XYLT1: variants seen among roughly 807,000 people sequenced by gnomAD.
The protein encoded by XYLT1 is xylosyltransferase 1.
XYLT1 carries 36 observed loss-of-function variants against 91.3 expected under a neutral mutation model. The observed-to-expected ratio is 0.39, with a 90% CI of 0.30 to 0.52. XYLT1 has a LOEUF of 0.52. Among genes scored for constraint, XYLT1 ranks in the 20% least tolerant of loss-of-function variants. XYLT1 has a pLI of 0.68. For synonymous variants in XYLT1, 588 were observed against 532.0 expected, an observed-to-expected ratio of 1.11 and a Z score of -1.45; for missense variants, 1,242 against 1,284.5, an observed-to-expected ratio of 0.97 and a Z score of 0.51.
chr16:17,215,742 T>C (rs555569892), intron 3 of XYLT1, among the ~76,000 whole-genome samples: 17 of 151,880 alleles, frequency 1.1e-4, no homozygotes, highest in Non-Finnish European at 1.5e-5. Context: ...GGGAACAGCA[T>C]ATGCAAAGGG....
chr16:17,388,545 A>T (rs1372446457), intron 1 of XYLT1, among the ~76,000 whole-genome samples: 1 of 152,182 alleles, frequency 6.6e-6, no homozygotes, highest in Non-Finnish European at 1.5e-5. Flanking sequence ...TGCAAAATGG[A>T]GACCAGCATA....
intron 1 of XYLT1, among the ~76,000 whole-genome samples, chr16:17,467,612 G>A (rs1596562767): frequency 6.6e-6 from 1 of 152,284 alleles, no homozygotes; most frequent in Non-Finnish European, 1.5e-5. Context: ...GAGAAACGGG[G>A]TGTTTCCTCT....
intron 11 of XYLT1, among the ~76,000 whole-genome samples, chr16:17,114,753 T>C (rs1396474791): frequency 1.3e-5 from 2 of 152,196 alleles, no homozygotes; most frequent in Non-Finnish European, 2.9e-5. Flanking sequence ...CATGAATAAT[T>C]CCAAATATAG....
chr16:17,298,540 G>A (rs2034348723), intron 2 of XYLT1, among the ~76,000 whole-genome samples: 2 of 152,158 alleles, frequency 1.3e-5, no homozygotes, highest in Non-Finnish European at 2.9e-5. Flanking sequence ...GTCCCTTAAA[G>A]TCTCTGTGAA....
chr16:17,135,010 AAAT>A (rs1479168728), intron 8 of XYLT1, among the ~76,000 whole-genome samples: 4 of 152,202 alleles, frequency 2.6e-5, no homozygotes, highest in Admixed American at 6.5e-5. Context: ...TAAATAAACT[AAAT>A]AATTTTAGAT....
In XYLT1 at chr16:17,259,321, T is replaced by C. The variant is rs2033685823; in HGVS notation, c.580A>G (p.Lys194Glu). The C allele has an allele frequency of 1.9e-6, 3 of 1,613,972 alleles. No individual in the cohort carries two copies. The highest frequency in any genetic ancestry group is 1.3e-5 in the African/African-American group (1 of 74,884). The change falls in exon 3 of 12, where the codon AAA (lysine) becomes GAA (glutamate). Residue 194 changes from lysine to glutamate, a missense_variant. Physicochemically the swap from Lys to Glu is moderately conservative, Grantham distance 56 (BLOSUM62 1). Transcript: ENST00000261381. The stretch of plus-strand genomic sequence containing the variant: ...TTCTCCTGCTGTTCCAGCTTCCTTT[T>C]CAAAAGCTCCTTCTGTCTACTCGGT... ...KPPSRQKELLKRKLEQQEKGK... is the reference protein window; with the variant it reads ...KPPSRQKELLERKLEQQEKGK...
chr16:17,236,897 C>T (rs1028749039), intron 3 of XYLT1, among the ~76,000 whole-genome samples: 1 of 152,176 alleles, frequency 6.6e-6, no homozygotes, highest in Non-Finnish European at 1.5e-5. Flanking sequence ...TGCAAAGACC[C>T]TATTTCCAAA....
In XYLT1 at chr16:17,396,870, A is replaced by G. The variant is rs558694867; in HGVS notation, c.364-38820T>C. 4.6e-5 allele frequency among the ~76,000 whole-genome samples: 7 copies of G among 152,222 alleles called. 1 individual carries two copies. Among genetic ancestry groups the G allele is most frequent in the African/African-American group, 1.7e-4 (7 of 41,526 alleles). ...TGGGCAGAGTGGGACTCCACCTCAG[A>G]AAAAAAAGTATCTAACTAGAGTATC... On this transcript the variant is annotated intron_variant, in intron 1 of 11. Transcript: ENST00000261381.
chr16:17,166,380 T>C (rs1048063943), intron 5 of XYLT1, among the ~76,000 whole-genome samples: 4 of 152,190 alleles, frequency 2.6e-5, no homozygotes, highest in East Asian at 3.9e-4. Flanking sequence ...ACCTGACACA[T>C]AGAAGGTGCT....
chr16:17,236,112 A>G (rs556375663), intron 3 of XYLT1, among the ~76,000 whole-genome samples: 6 of 152,210 alleles, frequency 3.9e-5, no homozygotes, highest in South Asian at 2.1e-4. Context: ...TCAACAGATC[A>G]GCATGGCCAT....
At chr16:17,289,863 G>A (rs115119547) in intron 2 of XYLT1, among the ~76,000 whole-genome samples, 31 of 152,276 alleles carry the variant, frequency 2.0e-4, no homozygotes, top group Admixed American at 3.9e-4. Flanking sequence ...CACACACCCC[G>A]TCTCTGGGGC....
At chr16:17,413,009 C>T (rs531001553) in intron 1 of XYLT1, among the ~76,000 whole-genome samples, 3 of 152,312 alleles carry the variant, frequency 2.0e-5, no homozygotes, top group African/African-American at 4.8e-5. Context: ...TATAGCCACA[C>T]TCCCCACCTT....
At chr16:17,179,012 T>C (rs1391183435) in intron 5 of XYLT1, among the ~76,000 whole-genome samples, 1 of 151,506 alleles carries the variant, frequency 6.6e-6, no homozygotes, top group Non-Finnish European at 1.5e-5. Flanking sequence ...AGGGCTTCAG[T>C]GAGCTGTGAC....
intron 2 of XYLT1, among the ~76,000 whole-genome samples, chr16:17,337,000 AGATC>A (rs1280427198): frequency 3.9e-5 from 6 of 152,222 alleles, no homozygotes; most frequent in African/African-American, 1.4e-4. Context: ...GCATTTTGTA[AGATC>A]GTATGTAACC....
chr16:17,385,309 CACCT>C (rs1385978442), intron 1 of XYLT1, among the ~76,000 whole-genome samples: 3 of 149,790 alleles, frequency 2.0e-5, no homozygotes, highest in Non-Finnish European at 3.0e-5. Context: ...CACACACACA[CACCT>C]ATGTACTCCA....
chr16:17,151,691 GATTA>G (rs2031287243), intron 6 of XYLT1, among the ~76,000 whole-genome samples: 1 of 152,294 alleles, frequency 6.6e-6, no homozygotes, highest in Non-Finnish European at 1.5e-5. Context: ...CAAGGATGAT[GATTA>G]GTTCAATGTC....
chr16:17,179,571 G>A (rs1374284451), intron 5 of XYLT1, among the ~76,000 whole-genome samples: 1 of 152,052 alleles, frequency 6.6e-6, no homozygotes, highest in Non-Finnish European at 1.5e-5. Context: ...CTTATCTACT[G>A]TCTCTTTCTC....
intron 3 of XYLT1, among the ~76,000 whole-genome samples, chr16:17,214,372 T>C (rs1356628503): frequency 6.6e-6 from 1 of 152,328 alleles, no homozygotes; most frequent in Non-Finnish European, 1.5e-5. Flanking sequence ...AAAATAGGGA[T>C]ACATATTGAC....
chr16:17,436,888 C>T (rs1170263012), intron 1 of XYLT1, among the ~76,000 whole-genome samples: 1 of 152,194 alleles, frequency 6.6e-6, no homozygotes, highest in Non-Finnish European at 1.5e-5. Flanking sequence ...AAGACTTATT[C>T]CATTCACTGG....
Sources: gnomAD v4.1 joint callset for allele counts (sites outside exome capture counted in the v4.1 genomes callset) on GRCh38, gnomAD v4.1.1 for gene constraint, MANE v1.5 for transcripts, NCBI Gene and HGNC (gene_info 2026-07-23, HGNC 2026-07-21) for gene names.